Variants in MAGI2 observed in about 807,000 individuals in gnomAD.
MAGI2 encodes membrane-associated guanylate kinase, WW and PDZ domain-containing protein 2.
In MAGI2, 35 loss-of-function variants were observed where a neutral mutation model predicts 133.3. The ratio of observed to expected loss-of-function variants is 0.26; its 90% CI spans 0.20 to 0.35. The LOEUF (loss-of-function observed/expected upper bound fraction) is 0.35. Among genes scored for constraint, MAGI2 ranks in the 10% least tolerant of loss-of-function variants. The probability of loss-of-function intolerance (pLI) is 1.00; values close to 1 mark genes in which losing one functional copy is unlikely to be tolerated. For missense variants in MAGI2, 1,636 were observed against 1,863.4 expected (o/e 0.88, Z 2.25); for synonymous variants, 729 against 710.6 (o/e 1.03, Z -0.41).
chr7:78,805,513 TA>T (rs1476962509), intron 2 of MAGI2, among the ~76,000 whole-genome samples: 1 of 152,138 alleles, frequency 6.6e-6, no homozygotes, highest in African/African-American at 2.4e-5. Context: ...AAAGTTTAGC[TA>T]AAACTTATGT....
At chr7:79,216,694 G>A (rs552215452) in intron 1 of MAGI2, among the ~76,000 whole-genome samples, 20 of 152,168 alleles carry the variant, frequency 1.3e-4, no homozygotes, top group Non-Finnish European at 2.6e-4. Context: ...TGCAAGGGGC[G>A]TCAGGGAACT....
intron 9 of MAGI2, among the ~76,000 whole-genome samples, chr7:78,306,422 TTGGCTATC>T (rs1798250474): frequency 6.6e-6 from 1 of 152,232 alleles, no homozygotes; most frequent in Non-Finnish European, 1.5e-5. Context: ...CCATTTTAAC[TTGGCTATC>T]ACTTCACTAG....
At chr7:79,117,012 C>A (rs1167762313) in intron 1 of MAGI2, among the ~76,000 whole-genome samples, 2 of 152,176 alleles carry the variant, frequency 1.3e-5, no homozygotes, top group Non-Finnish European at 2.9e-5. Flanking sequence ...TACACCCAGG[C>A]ACCAGAGTAA....
intron 3 of MAGI2, among the ~76,000 whole-genome samples, chr7:78,611,690 C>G (rs1196627023): frequency 6.6e-6 from 1 of 152,208 alleles, no homozygotes; most frequent in Non-Finnish European, 1.5e-5. Flanking sequence ...CACACACGTA[C>G]AGCCTGGGAT....
intron 21 of MAGI2, among the ~76,000 whole-genome samples, chr7:78,067,153 TATTA>T (rs1246898160): frequency 1.3e-5 from 2 of 152,214 alleles, no homozygotes; most frequent in East Asian, 3.8e-4. Flanking sequence ...TTTCACGATT[TATTA>T]ATTGAGTTTA....
chr7:78,320,650 A>T (rs1212887606), intron 9 of MAGI2, among the ~76,000 whole-genome samples: 1 of 152,184 alleles, frequency 6.6e-6, no homozygotes, highest in Non-Finnish European at 1.5e-5. Flanking sequence ...TTTATGACAA[A>T]CACACAGTCA....
chr7:79,172,859 A>G (rs1365377150), intron 1 of MAGI2: 1 of 152,062 alleles, frequency 6.6e-6, no homozygotes, highest in African/African-American at 2.4e-5. Flanking sequence ...AAAAGCAGAG[A>G]GTAAAATTGG....
intron 1 of MAGI2, among the ~76,000 whole-genome samples, chr7:79,130,532 A>G (rs1820840514): frequency 6.6e-6 from 1 of 152,224 alleles, no homozygotes; most frequent in Non-Finnish European, 1.5e-5. Context: ...CATCACATGC[A>G]TCACATATTT....
chr7:78,436,293 C>A (rs989284571), intron 6 of MAGI2, among the ~76,000 whole-genome samples: 1 of 152,070 alleles, frequency 6.6e-6, no homozygotes, highest in South Asian at 2.1e-4. Context: ...AAGCCAGGAG[C>A]AATGAAGTGA....
intron 2 of MAGI2, among the ~76,000 whole-genome samples, chr7:78,805,105 C>T (rs1429805565): frequency 1.3e-5 from 2 of 151,704 alleles, no homozygotes; most frequent in African/African-American, 4.8e-5. Context: ...AAAATAACCT[C>T]TAAAAAATTG....
chr7:79,026,284 A>T (rs1470491520), intron 1 of MAGI2, among the ~76,000 whole-genome samples: 1 of 152,224 alleles, frequency 6.6e-6, no homozygotes, highest in East Asian at 1.9e-4. Flanking sequence ...CTATTAAAGG[A>T]TATTTGAAGG....
chr7:79,312,086 T>A (rs1838332677), intron 1 of MAGI2, among the ~76,000 whole-genome samples: 3 of 152,144 alleles, frequency 2.0e-5, no homozygotes, highest in African/African-American at 7.2e-5. Flanking sequence ...AACCCTAAGA[T>A]CCCCATCTCA....
chr7:78,090,281 C>T (rs1250226321), intron 20 of MAGI2, among the ~76,000 whole-genome samples: 1 of 152,164 alleles, frequency 6.6e-6, no homozygotes, highest in African/African-American at 2.4e-5. Flanking sequence ...ATTTATTTTC[C>T]CCACTACCAT....
chr7:78,116,369 AAG>A (rs1554456175), intron 20 of MAGI2, among the ~76,000 whole-genome samples: 6 of 150,850 alleles, frequency 4.0e-5, no homozygotes, highest in East Asian at 3.9e-4. Flanking sequence ...AAAAAAAAAA[AAG>A]AAGAACAACA....
At chr7:79,326,797 C>T (rs1389106895) in intron 1 of MAGI2, among the ~76,000 whole-genome samples, 1 of 152,050 alleles carries the variant, frequency 6.6e-6, no homozygotes, top group Admixed American at 6.6e-5. Context: ...AATTTAGCTG[C>T]TGGGACAGAT....
chr7:78,347,617 A>G (rs1791051605), intron 7 of MAGI2, among the ~76,000 whole-genome samples: 1 of 151,478 alleles, frequency 6.6e-6, no homozygotes, highest in Non-Finnish European at 1.5e-5. Context: ...TTGTATCATC[A>G]TCTTAATCAC....
At chr7:79,429,641 T>C (rs1346976111) in intron 1 of MAGI2, among the ~76,000 whole-genome samples, 4 of 152,120 alleles carry the variant, frequency 2.6e-5, no homozygotes, top group Admixed American at 6.6e-5. Flanking sequence ...GTATAAAAAG[T>C]TGTTTTAAAA....
chr7:78,587,242 TTTTCC>T (rs1803518209), intron 3 of MAGI2, among the ~76,000 whole-genome samples: 2 of 152,174 alleles, frequency 1.3e-5, no homozygotes, highest in African/African-American at 4.8e-5. Context: ...ACCTTATTAT[TTTTCC>T]TTTCCTTATC....
intron 2 of MAGI2, among the ~76,000 whole-genome samples, chr7:79,005,643 G>T (rs1807360426): frequency 6.6e-6 from 1 of 152,064 alleles, no homozygotes; most frequent in South Asian, 2.1e-4. Context: ...TAAACAGCCT[G>T]GTTTCTTTAT....
Sources: allele counts gnomAD v4.1 joint callset (sites outside exome capture counted in the v4.1 genomes callset), GRCh38; gene constraint gnomAD v4.1.1; transcripts MANE v1.5; gene names NCBI Gene and HGNC (gene_info 2026-07-23, HGNC 2026-07-21).